The following NRG2 variants were observed in gnomAD, a reference collection of about 807,000 sequenced individuals.
The protein encoded by NRG2 is neuregulin 2, also known as pro-neuregulin-2, membrane-bound isoform.
NRG2 carries 27 observed loss-of-function variants against 73.9 expected under a neutral mutation model. The observed-to-expected ratio is 0.37, with a 90% CI of 0.27 to 0.50. The LOEUF is 0.50. Among genes scored for constraint, NRG2 ranks in the 20% least tolerant of loss-of-function variants. The pLI, the probability that NRG2 is intolerant of heterozygous loss-of-function variation, is 0.96. For missense variants in NRG2, 1,126 were observed against 1,210.1 expected (o/e 0.93, Z 1.03); for synonymous variants, 532 against 541.0 (o/e 0.98, Z 0.23).
At chr5:139,950,430 A>G (rs1361361000) in intron 1 of NRG2, among the ~76,000 whole-genome samples, 1 of 152,232 alleles carries the variant, frequency 6.6e-6, no homozygotes, top group Non-Finnish European at 1.5e-5. Context: ...CCTGATGTTA[A>G]GAGAGCTAAG....
At chr5:139,970,620 C>T (rs1245464212) in intron 1 of NRG2, among the ~76,000 whole-genome samples, 1 of 152,212 alleles carries the variant, frequency 6.6e-6, no homozygotes, top group Non-Finnish European at 1.5e-5. Flanking sequence ...CCCTGATGAG[C>T]TTATCTCCTT....
chr5:139,905,537 C>CT (rs1765170984), intron 1 of NRG2, among the ~76,000 whole-genome samples: 1 of 152,190 alleles, frequency 6.6e-6, no homozygotes, highest in South Asian at 2.1e-4. Context: ...GCCAGGGACT[C>CT]GAGCTCCAGG....
At chr5:140,001,006 C>T (rs911351242) in intron 1 of NRG2, among the ~76,000 whole-genome samples, 1 of 152,188 alleles carries the variant, frequency 6.6e-6, no homozygotes, top group Non-Finnish European at 1.5e-5. Flanking sequence ...CTTTTCTCCA[C>T]CCTCACGCCC....
intron 3 of NRG2, among the ~76,000 whole-genome samples, chr5:139,880,278 G>GACA (rs1763441635): frequency 6.6e-6 from 1 of 152,130 alleles, no homozygotes; most frequent in Non-Finnish European, 1.5e-5. Context: ...CCTGAGGCTG[G>GACA]GTCTGCCACT....
Position 139,871,851 on chromosome 5 carries a change from T to C in NRG2, c.992-10A>G. ...GACAGGGTGGTGCTCACTGAGGGTA[T>C]GAGAGACATGTGCCAGTGACGCACT... On this transcript the variant is annotated splice_polypyrimidine_tract_variant and intron_variant, in intron 3 of 9. Coordinates refer to ENST00000361474, the MANE Select transcript of NRG2 (RefSeq NM_004883.3). 1 of 1,613,374 alleles carries C rather than the reference T, an allele frequency of 6.2e-7. No individual in the cohort carries two copies. Among genetic ancestry groups the C allele is most frequent in the East Asian group, 2.2e-5 (1 of 44,854 alleles).
chr5:139,970,819 T>G (rs1406379782), intron 1 of NRG2, among the ~76,000 whole-genome samples: 1 of 152,208 alleles, frequency 6.6e-6, no homozygotes, highest in Non-Finnish European at 1.5e-5. Context: ...GTGCTAATCT[T>G]TACATTCCAC....
In NRG2 at chr5:139,848,376, G is replaced by T. The variant is rs1761158541; in HGVS notation, c.2094C>A (p.Gly698=). The T allele has an allele frequency of 2.4e-6, 3 of 1,248,646 alleles. No individual in the cohort carries two copies. Among genetic ancestry groups the T allele is most frequent in the East Asian group, 3.3e-5 (1 of 30,262 alleles). The allele number at this position is 1,248,646 out of a possible 1,614,324, so 77.3% of individuals were successfully genotyped here. A position where few individuals can be genotyped will look rare whatever the true frequency, so the allele number is the denominator to read the frequency against. The part of the protein sequence containing the change: ...RGTCALGGSL[G]SLPASPFRIP... ...TGCGGAAGGGGCTGGCAGGCAGGCT[G>T]CCCAGGCTGCCGCCGAGCGCGCAGG... The change falls in exon 10 of 10, where the codon GGC becomes GGA. Residue 698 remains glycine, a synonymous_variant. Coordinates refer to ENST00000361474, the MANE Select transcript of NRG2 (RefSeq NM_004883.3).
Position 139,891,844 on chromosome 5 carries a change from T to C in NRG2, c.701-4333A>G, listed in dbSNP as rs566721540. On this transcript the variant is annotated intron_variant, in intron 1 of 9. Transcript: ENST00000361474. ...TTGTACATTAAAAAAAAACTATTTA[T>C]GTGCCTACTAGAAATTTTTAAATTA... 4.6e-5 allele frequency among the ~76,000 whole-genome samples: 7 copies of C among 152,348 alleles called. No homozygotes were observed. In the South Asian group the frequency reaches 1.5e-3, roughly 32 times the overall value.
rs58086316 is a variant in NRG2 at position 139,868,516 on chromosome 5, A to G, written c.1113-2891T>C. Among the ~76,000 whole-genome samples, 43,432 of 151,756 alleles carry G rather than the reference A, an allele frequency of 0.29. 7,350 individuals carry two copies. The highest frequency in any genetic ancestry group is 0.47 in the African/African-American group (19,424 of 41,318). ...TCCCAGCCTTTCCCACCAGGTCATC[A>G]GTTATGACTCTGGGGAAGGTCTGTC... On this transcript the variant is annotated intron_variant, in intron 4 of 9. Coordinates refer to ENST00000361474, the MANE Select transcript of NRG2 (RefSeq NM_004883.3). The surrounding 1 kb of genome is among the most constrained non-coding windows in gnomAD (Gnocchi z 4.2).
In NRG2 at chr5:139,909,992, C is replaced by T. The variant is rs996388838; in HGVS notation, c.701-22481G>A. ...AAAAGTTTATTCGTGCCTCTGCCTC[C>T]CTCAGTCAGTGCAGAGAACTAGGTG... is the stretch of plus-strand genomic sequence containing the variant. On this transcript the variant is annotated intron_variant, in intron 1 of 9. Coordinates refer to ENST00000361474, the MANE Select transcript of NRG2 (RefSeq NM_004883.3). 1.1e-4 allele frequency among the ~76,000 whole-genome samples: 16 copies of T among 152,294 alleles called. No individual in the cohort carries two copies. In the East Asian group the frequency reaches 3.1e-3, roughly 29 times the overall value.
At chr5:139,886,810 T>C (rs1763902158) in intron 2 of NRG2, among the ~76,000 whole-genome samples, 1 of 152,168 alleles carries the variant, frequency 6.6e-6, no homozygotes, top group Non-Finnish European at 1.5e-5. Flanking sequence ...AATTCTCAAC[T>C]TTTAGGGGGA....
At chr5:139,989,979 G>A (rs927766540) in intron 1 of NRG2, among the ~76,000 whole-genome samples, 23 of 150,986 alleles carry the variant, frequency 1.5e-4, no homozygotes, top group South Asian at 4.2e-4. Context: ...TAGTAGAGAC[G>A]GGGTTTCACC....
intron 1 of NRG2, among the ~76,000 whole-genome samples, chr5:139,914,014 C>G (rs1431379365): frequency 6.6e-6 from 1 of 152,006 alleles, no homozygotes; most frequent in Non-Finnish European, 1.5e-5. Context: ...ATTAGCCAGG[C>G]ATGGTGGCAC....
intron 1 of NRG2, among the ~76,000 whole-genome samples, chr5:140,022,202 A>T (rs1760291277): frequency 1.3e-5 from 2 of 152,238 alleles, no homozygotes; most frequent in African/African-American, 4.8e-5. Flanking sequence ...TCGTGATTTT[A>T]TTCAAGCTTT....
rs34122778 is a variant in NRG2, at chr5:140,029,687, C to CAAAAAAAAAAAAAAAAAAAAAAAA, written c.700+12682_700+12683insTTTTTTTTTTTTTTTTTTTTTTTT. Among the ~76,000 whole-genome samples, 83 of 61,244 alleles carry CAAAAAAAAAAAAAAAAAAAAAAAA rather than the reference C, an allele frequency of 1.4e-3. 3 individuals carry two copies. Among genetic ancestry groups the CAAAAAAAAAAAAAAAAAAAAAAAA allele is most frequent in the Middle Eastern group, 0.01 (1 of 96 alleles). The allele number at this position is 61,244 out of a possible 152,430, so 40.2% of individuals were successfully genotyped here. ...TGGGTGACAGAGCAAGACTCTGTCT[C>CAAAAAAAAAAAAAAAAAAAAAAAA]AAAAAAAAAAAAAAAAGCTCCAGCG... On this transcript the variant is annotated intron_variant, in intron 1 of 9. Coordinates refer to ENST00000361474, the MANE Select transcript of NRG2 (RefSeq NM_004883.3).
chr5:139,981,538 G>T (rs1417279319), intron 1 of NRG2, among the ~76,000 whole-genome samples: 1 of 152,218 alleles, frequency 6.6e-6, no homozygotes, highest in Non-Finnish European at 1.5e-5. Context: ...TCCAGAGAGA[G>T]TCCAAGTGGC....
At chr5:139,937,861 T>C (rs561740734) in intron 1 of NRG2, among the ~76,000 whole-genome samples, 1 of 152,302 alleles carries the variant, frequency 6.6e-6, no homozygotes, top group East Asian at 1.9e-4. Flanking sequence ...ACACACAGAA[T>C]ATATTTTTTA....
At chr5:140,005,235 C>T (rs1351291609) in intron 1 of NRG2, among the ~76,000 whole-genome samples, 1 of 152,192 alleles carries the variant, frequency 6.6e-6, no homozygotes, top group Non-Finnish European at 1.5e-5. Flanking sequence ...CTCCTGTGAA[C>T]ATCAAAGGAC....
In NRG2 at chr5:139,847,337, CTT is replaced by C; in HGVS notation, c.*578_*579del. ...GGCTTCCCCATTCGGGTAGCTGTGT[CTT>C]TATCTCCCCCTGGAAGTTACCCCAG... is the stretch of plus-strand genomic sequence containing the variant. On this transcript the variant is annotated 3_prime_UTR_variant, in exon 10 of 10. Transcript: ENST00000361474. 1 of 152,048 alleles carries C rather than the reference CTT, an allele frequency of 6.6e-6. No individual in the cohort carries two copies. The highest frequency in any genetic ancestry group is 2.1e-4 in the South Asian group (1 of 4,794). 9.4% of individuals were successfully genotyped at this position (152,048 alleles called of 1,614,324 possible). A position where few individuals can be genotyped will look rare whatever the true frequency, so the allele number is the denominator to read the frequency against.
Sources: allele counts gnomAD v4.1 joint callset (sites outside exome capture counted in the v4.1 genomes callset), GRCh38; gene constraint gnomAD v4.1.1; non-coding constraint Gnocchi (gnomAD v3.1); transcripts MANE v1.5; gene names NCBI Gene and HGNC (gene_info 2026-07-23, HGNC 2026-07-21).